Variants in KPNA3 observed in about 807,000 individuals in gnomAD.
KPNA3 encodes the protein karyopherin subunit alpha 3, also known as importin subunit alpha-4.
Under a neutral mutation model 73.8 loss-of-function variants are expected in KPNA3, and 13 were observed. The observed-to-expected ratio is 0.18, with a 90% CI of 0.11 to 0.28. KPNA3 has a LOEUF of 0.28. KPNA3 is among the 10% of genes least tolerant of loss of function. The pLI, the probability that KPNA3 is intolerant of heterozygous loss-of-function variation, is 1.00. For missense variants in KPNA3, 360 were observed against 618.1 expected (o/e 0.58, Z 4.43); for synonymous variants, 186 against 206.9 (o/e 0.90, Z 0.87).
At chr13:49,747,321 T>A (rs186223913) in intron 1 of KPNA3, among the ~76,000 whole-genome samples, 1 of 150,902 alleles carries the variant, frequency 6.6e-6, no homozygotes, top group East Asian at 2.0e-4. Context: ...ACTCCAGGCC[T>A]GGGCGACAGA....
rs975560725 is a variant in KPNA3 at position 49,746,893 on chromosome 13, G to T, written c.114+56C>A. The T allele has an allele frequency of 6.8e-6, 9 of 1,326,332 alleles. No individual in the cohort carries two copies. The African/African-American group carries it at 8.7e-5, about 13-fold the overall frequency. 82.2% of individuals were successfully genotyped at this position (1,326,332 alleles called of 1,614,324 possible). A position where few individuals can be genotyped will look rare whatever the true frequency, so the allele number is the denominator to read the frequency against. ...GTATTTTCATTATTCAAGATACACA[G>T]AATTTTAACATCAGAAAAATCTAAT... is the stretch of plus-strand genomic sequence containing the variant. On this transcript the variant is annotated intron_variant, in intron 2 of 16. Transcript: ENST00000261667.
At chr13:49,764,573 C>T (rs886687247) in intron 1 of KPNA3, among the ~76,000 whole-genome samples, 2 of 152,114 alleles carry the variant, frequency 1.3e-5, no homozygotes, top group African/African-American at 4.8e-5. Flanking sequence ...CCTCCCCAAT[C>T]CCAAGATCCC....
At chr13:49,792,077 C>A (rs894432283) in intron 1 of KPNA3, among the ~76,000 whole-genome samples, 1 of 152,144 alleles carries the variant, frequency 6.6e-6, no homozygotes, top group Non-Finnish European at 1.5e-5. Flanking sequence ...CGGCCGCCCC[C>A]TCGGCTGTGC....
At chr13:49,759,872 G>A (rs901011334) in intron 1 of KPNA3, among the ~76,000 whole-genome samples, 3 of 152,148 alleles carry the variant, frequency 2.0e-5, no homozygotes, top group Admixed American at 6.5e-5. Flanking sequence ...GCTTAAAGAA[G>A]GAGTGATAGA....
intron 2 of KPNA3, among the ~76,000 whole-genome samples, chr13:49,735,425 A>C (rs1035062128): frequency 6.6e-6 from 1 of 152,092 alleles, no homozygotes; most frequent in Non-Finnish European, 1.5e-5. Flanking sequence ...CCCGCCCCAT[A>C]CTTTACTCTT....
intron 10 of KPNA3, among the ~76,000 whole-genome samples, chr13:49,717,973 T>C (rs763725907): frequency 5.9e-5 from 9 of 152,214 alleles, no homozygotes; most frequent in Admixed American, 1.3e-4. Flanking sequence ...ATGTTTTATG[T>C]TTATGTGCTT....
At chr13:49,735,057 C>T (rs987788305) in intron 2 of KPNA3, among the ~76,000 whole-genome samples, 2 of 151,892 alleles carry the variant, frequency 1.3e-5, no homozygotes, top group Non-Finnish European at 2.9e-5. Context: ...GGGTAACAAC[C>T]CCTGCATTTA....
At chr13:49,768,506 T>C (rs1228768575) in intron 1 of KPNA3, among the ~76,000 whole-genome samples, 2 of 152,086 alleles carry the variant, frequency 1.3e-5, no homozygotes, top group Non-Finnish European at 2.9e-5. Context: ...TTTTTGTTTT[T>C]GATCATCTCG....
chr13:49,768,336 G>A lies in KPNA3; in HGVS notation c.70-21343C>T, dbSNP rs1389923911. On this transcript the variant is annotated intron_variant, in intron 1 of 16. Transcript: ENST00000261667. Reference sequence around the variant, plus strand: ...AGCCAATATGCACTGTAGCCAAAATGCACTACATAGTGCAAAATGTATTTA... The same window carrying A: ...AGCCAATATGCACTGTAGCCAAAATACACTACATAGTGCAAAATGTATTTA... 2.0e-5 allele frequency among the ~76,000 whole-genome samples: 3 copies of A among 150,196 alleles called. No homozygotes were observed. The East Asian group carries it at 5.9e-4, about 29-fold the overall frequency.
At chr13:49,774,332 T>C (rs978689961) in intron 1 of KPNA3, among the ~76,000 whole-genome samples, 1 of 152,064 alleles carries the variant, frequency 6.6e-6, no homozygotes, top group Admixed American at 6.5e-5. Flanking sequence ...CAATCTACAG[T>C]TATACCCCGA....
At chr13:49,728,094 G>T (rs1441104722) in intron 6 of KPNA3, among the ~76,000 whole-genome samples, 2 of 152,036 alleles carry the variant, frequency 1.3e-5, no homozygotes, top group African/African-American at 4.8e-5. Flanking sequence ...AGTCAGCCGG[G>T]CGTGGTGGCA....
intron 2 of KPNA3, among the ~76,000 whole-genome samples, chr13:49,740,057 C>G (rs1028620640): frequency 2.6e-5 from 4 of 151,930 alleles, no homozygotes; most frequent in African/African-American, 7.3e-5. Context: ...TCAAGACCAG[C>G]CTGGGCAACA....
At chr13:49,792,210 ACGCCGGCATTTCCCGGTCGCCG>A (rs1955039708) in intron 1 of KPNA3, among the ~76,000 whole-genome samples, 1 of 151,634 alleles carries the variant, frequency 6.6e-6, no homozygotes, top group Non-Finnish European at 1.5e-5. Flanking sequence ...GGGGCCGAAA[ACGCCGGCATTTCCCGGTCGCCG>A]CGCCGGCAGC....
At chr13:49,792,322 G>T in intron 1 of KPNA3, 116 bp downstream of exon 1, 1 of 504,520 alleles carries the variant, frequency 2.0e-6, no homozygotes, top group Non-Finnish European at 2.9e-6. Context: ...GGAGGCGGCG[G>T]CCAACTCCGG....
chr13:49,760,571 T>TA (rs1954750701), intron 1 of KPNA3, among the ~76,000 whole-genome samples: 1 of 152,180 alleles, frequency 6.6e-6, no homozygotes, highest in South Asian at 2.1e-4. Flanking sequence ...TCAATCGCAA[T>TA]GTGTGGACCT....
intron 11 of KPNA3, among the ~76,000 whole-genome samples, chr13:49,710,095 TC>T (rs1023806979): frequency 3.3e-5 from 5 of 152,070 alleles, no homozygotes; most frequent in African/African-American, 1.2e-4. Context: ...AAACTCCATC[TC>T]TACTAGAAAT....
chr13:49,785,263 G>A (rs1379164466), intron 1 of KPNA3, among the ~76,000 whole-genome samples: 1 of 152,112 alleles, frequency 6.6e-6, no homozygotes, highest in Non-Finnish European at 1.5e-5. Flanking sequence ...AAGGTGACAG[G>A]TAATAAGGCC....
intron 1 of KPNA3, among the ~76,000 whole-genome samples, chr13:49,755,488 T>C (rs764408043): frequency 2.0e-5 from 3 of 152,144 alleles, no homozygotes; most frequent in East Asian, 1.9e-4. Flanking sequence ...AAAAGGCATA[T>C]AGATGCAAAA....
intron 1 of KPNA3, among the ~76,000 whole-genome samples, chr13:49,766,437 T>C (rs575179999): frequency 1.4e-4 from 22 of 152,350 alleles, no homozygotes; most frequent in Admixed American, 3.9e-4. Flanking sequence ...TTGGTGTCTG[T>C]ATTATCTGTG....
Sources: gnomAD v4.1 joint callset for allele counts (sites outside exome capture counted in the v4.1 genomes callset) on GRCh38, gnomAD v4.1.1 for gene constraint, MANE v1.5 for transcripts, NCBI Gene and HGNC (gene_info 2026-07-23, HGNC 2026-07-21) for gene names.